The following SLC6A19 variants were observed in gnomAD, a reference collection of about 807,000 sequenced individuals.
SLC6A19 encodes the protein solute carrier family 6 member 19, also known as sodium-dependent neutral amino acid transporter B(0)AT1.
In SLC6A19, 67 loss-of-function variants were observed where a neutral mutation model predicts 68.3. That is an observed-to-expected ratio of 0.98 (90% CI 0.81 to 1.20). The LOEUF (loss-of-function observed/expected upper bound fraction) is 1.20. Among genes scored for constraint, SLC6A19 ranks in the 50% most tolerant of loss-of-function variants. SLC6A19 has a pLI of 0.00. For missense variants in SLC6A19, 813 were observed against 851.6 expected, an observed-to-expected ratio of 0.95 and a Z score of 0.56; for synonymous variants, 392 against 374.9, an observed-to-expected ratio of 1.05 and a Z score of -0.53.
chr5:1,212,458 A>T lies in SLC6A19; in HGVS notation c.637A>T (p.Ile213Phe). 1 of 1,608,802 alleles carries T rather than the reference A, an allele frequency of 6.2e-7. No individual in the cohort carries two copies. The part of the protein sequence containing the change: ...CAWSVLYMCT[I>F]RGIETTGKAV... ...ATGGAGCGTCCTGTACATGTGCACC[A>T]TCCGCGGCATCGAGACCACCGGGAA... Residue 213 changes from isoleucine to phenylalanine, a missense_variant, in exon 4 of 12, where the codon ATC becomes TTC. Physicochemically the swap from Ile to Phe is conservative, Grantham distance 21 (BLOSUM62 0). Transcript: ENST00000304460. This position sits in a 1 kb window ranked among gnomAD's most constrained non-coding sequence, Gnocchi z 5.1.
chr5:1,201,642 G>T lies in SLC6A19; in HGVS notation c.-9G>T. The T allele has an allele frequency of 1.2e-6, 2 of 1,603,454 alleles. No homozygotes were observed. On this transcript the variant is annotated 5_prime_UTR_variant, in exon 1 of 12. Coordinates refer to ENST00000304460, the MANE Select transcript of SLC6A19 (RefSeq NM_001003841.3). ...TGCCTGCTGTGTGCGGAGCCGTCCA[G>T]CGACCACCATGGTGAGGCTCGTGCT... is the stretch of plus-strand genomic sequence containing the variant.
chr5:1,222,212 G>A lies in SLC6A19; in HGVS notation c.*308G>A. 1 of 588,758 alleles carries A rather than the reference G, an allele frequency of 1.7e-6. No homozygotes were observed. The highest frequency in any genetic ancestry group is 2.1e-5 in the South Asian group (1 of 47,270). 36.5% of individuals were successfully genotyped at this position (588,758 alleles called of 1,614,324 possible). On this transcript the variant is annotated 3_prime_UTR_variant, in exon 12 of 12. Coordinates refer to ENST00000304460, the MANE Select transcript of SLC6A19 (RefSeq NM_001003841.3). ...TTGTGTGTGTGCATGTACATGTATGGACATTGTGTGAGTGTGCAAGTGTGC... is the reference window on the plus strand; with the variant it reads ...TTGTGTGTGTGCATGTACATGTATGAACATTGTGTGAGTGTGCAAGTGTGC...
At chr5:1,207,630 G>T (rs1039850437) in intron 1 of SLC6A19, among the ~76,000 whole-genome samples, 1 of 152,196 alleles carries the variant, frequency 6.6e-6, no homozygotes, top group Non-Finnish European at 1.5e-5. Flanking sequence ...GGAGCCACTC[G>T]GCTTCCTCTC....
chr5:1,213,604 C>G, intron 5 of SLC6A19, 31 bp downstream of exon 5: 1 of 1,591,840 alleles, frequency 6.3e-7, no homozygotes. Flanking sequence ...TGGGCCCAGA[C>G]CCCGGGAGAG....
rs1327966325 is a variant in SLC6A19, at chr5:1,222,465, T to C, written c.*561T>C. The C allele has an allele frequency of 2.3e-6, 1 of 435,182 alleles. No individual in the cohort carries two copies. The highest frequency in any genetic ancestry group is 3.8e-5 in the Admixed American group (1 of 26,340). The allele number at this position is 435,182 out of a possible 1,614,324, so 27.0% of individuals were successfully genotyped here. On this transcript the variant is annotated 3_prime_UTR_variant, in exon 12 of 12. Transcript: ENST00000304460. Reference sequence around the variant, plus strand: ...TGTGTTCTGTGTGTGCGTTTGCAAGTATATATGCACATGTGTATATGTACA... The same window carrying C: ...TGTGTTCTGTGTGTGCGTTTGCAAGCATATATGCACATGTGTATATGTACA...
intron 4 of SLC6A19, among the ~76,000 whole-genome samples, chr5:1,213,210 C>T (rs1173565380): frequency 9.8e-6 from 1 of 102,020 alleles, no homozygotes; most frequent in Non-Finnish European, 2.1e-5. Context: ...CCATCCCCAT[C>T]CATTCCACAT....
At chr5:1,208,440 G>C (rs1358108070) in intron 1 of SLC6A19, among the ~76,000 whole-genome samples, 5 of 152,212 alleles carry the variant, frequency 3.3e-5, no homozygotes, top group Non-Finnish European at 5.9e-5. Flanking sequence ...GGCTGTGGTT[G>C]CATGTTGGTC....
chr5:1,214,197 C>T lies in SLC6A19; in HGVS notation c.887+132C>T, dbSNP rs2126505935. On this transcript the variant is annotated intron_variant, in intron 6 of 11. Transcript: ENST00000304460. The surrounding 1 kb of genome is among the most constrained non-coding windows in gnomAD (Gnocchi z 7.4). Reference sequence around the variant, plus strand: ...CCTTGCTGCCCCGATGGGCCCGTTCCCTCCTGCTCGGGGTCCATGTGAGCT... The same window carrying T: ...CCTTGCTGCCCCGATGGGCCCGTTCTCTCCTGCTCGGGGTCCATGTGAGCT... 2 of 1,504,154 alleles carry T rather than the reference C, an allele frequency of 1.3e-6. No individual in the cohort carries two copies. Among genetic ancestry groups the T allele is most frequent in the South Asian group, 1.3e-5 (1 of 79,168 alleles). The allele number at this position is 1,504,154 out of a possible 1,614,324, so 93.2% of individuals were successfully genotyped here.
intron 8 of SLC6A19, among the ~76,000 whole-genome samples, chr5:1,218,444 TC>T (rs1481226749): frequency 2.6e-5 from 4 of 152,166 alleles, no homozygotes; most frequent in African/African-American, 9.7e-5. Flanking sequence ...GCAGAAGGCG[TC>T]CGGGTGGTTG....
At position 1,219,112 on chromosome 5, in the gene SLC6A19, G is replaced by C. The variant is rs762081099; in HGVS notation, c.1378+5G>C. The stretch of plus-strand genomic sequence containing the variant: ...GGCCCAAGGAGGTGCTCACAGGTAC[G>C]TGTGCAGTCGGGAGGGGTCCCCATG... On this transcript the variant is annotated splice_donor_5th_base_variant and intron_variant, in intron 9 of 11. Coordinates refer to ENST00000304460, the MANE Select transcript of SLC6A19 (RefSeq NM_001003841.3). 2 of 1,608,984 alleles carry C rather than the reference G, an allele frequency of 1.2e-6. No homozygotes were observed. Among genetic ancestry groups the C allele is most frequent in the Non-Finnish European group, 1.7e-6 (2 of 1,177,900 alleles).
intron 1 of SLC6A19, among the ~76,000 whole-genome samples, chr5:1,207,622 A>G (rs1156258142): frequency 2.0e-5 from 3 of 152,238 alleles, no homozygotes; most frequent in Admixed American, 1.3e-4. Flanking sequence ...TGATGGCAGG[A>G]GCCACTCGGC....
chr5:1,218,880 G>A (rs1191235213), intron 8 of SLC6A19, 23 bp from the exon 9 acceptor site: 2 of 1,609,222 alleles, frequency 1.2e-6, no homozygotes, highest in Non-Finnish European at 1.7e-6. Context: ...AGAGGCCCTG[G>A]TGACTGTGTG....
At position 1,209,255 on chromosome 5, in the gene SLC6A19, A is replaced by G. The variant is rs1745951156; in HGVS notation, c.343+369A>G. Among the ~76,000 whole-genome samples, 1 of 152,102 alleles carries G rather than the reference A, an allele frequency of 6.6e-6. No individual in the cohort carries two copies. Among genetic ancestry groups the G allele is most frequent in the Non-Finnish European group, 1.5e-5 (1 of 68,010 alleles). On this transcript the variant is annotated intron_variant, in intron 2 of 11. Transcript: ENST00000304460. The surrounding 1 kb of genome is among the most constrained non-coding windows in gnomAD (Gnocchi z 5.5). ...TGTGTCCACTCCCCCACACCTAGTG[A>G]GGAGGTCCCCAGCACTGACACCCCC...
Position 1,208,803 on chromosome 5 carries a change from A to G in SLC6A19, c.260A>G (p.Tyr87Cys), listed in dbSNP as rs1745928591. ...LLVLEGIPLL[Y>C]LEFAIGQRLR... is the part of the protein sequence containing the mutation. ...GTCCTGGAGGGCATCCCCCTGCTGT[A>G]CCTGGAGTTCGCCATCGGGCAGCGG... Residue 87 changes from tyrosine to cysteine, a missense_variant, in exon 2 of 12, where the codon TAC becomes TGC. By Grantham distance (194) the Tyr-to-Cys change is radical. Transcript: ENST00000304460. The G allele has an allele frequency of 6.2e-7, 1 of 1,613,104 alleles. No homozygotes were observed. The highest frequency in any genetic ancestry group is 1.3e-5 in the African/African-American group (1 of 74,990).
In SLC6A19 at chr5:1,217,709, G is replaced by A. The variant is rs555503881; in HGVS notation, c.1173+764G>A. ...CAGGCAGGAGGGGCCCAACAGGGCC[G>A]TCTGGTCTAAATGTCTTTTAAAAGC... On this transcript the variant is annotated intron_variant, in intron 8 of 11. Coordinates refer to ENST00000304460, the MANE Select transcript of SLC6A19 (RefSeq NM_001003841.3). 3.9e-5 allele frequency among the ~76,000 whole-genome samples: 6 copies of A among 152,398 alleles called. No homozygotes were observed. The East Asian group carries it at 7.7e-4, about 20-fold the overall frequency.
chr5:1,218,511 G>A (rs956664763), intron 8 of SLC6A19, among the ~76,000 whole-genome samples: 1 of 152,186 alleles, frequency 6.6e-6, no homozygotes, highest in Non-Finnish European at 1.5e-5. Context: ...GCTCTAACCC[G>A]GCCGTTGGCC....
At chr5:1,211,838 G>T (rs1746039482) in intron 3 of SLC6A19, among the ~76,000 whole-genome samples, 1 of 150,040 alleles carries the variant, frequency 6.7e-6, no homozygotes, top group South Asian at 2.1e-4. Context: ...GCATGTGCAT[G>T]TGTGGGGTGT....
At position 1,209,655 on chromosome 5, in the gene SLC6A19, C is replaced by G. The variant is rs1745967415; in HGVS notation, c.343+769C>G. Among the ~76,000 whole-genome samples the G allele has an allele frequency of 6.6e-6, 1 of 151,400 alleles. No homozygotes were observed. The highest frequency in any genetic ancestry group is 2.4e-5 in the African/African-American group (1 of 41,170). On this transcript the variant is annotated intron_variant, in intron 2 of 11. Transcript: ENST00000304460. This position sits in a 1 kb window ranked among gnomAD's most constrained non-coding sequence, Gnocchi z 5.5. ...TCTCTGTCATTCTCTCTTTCCCCTC[C>G]TATTCTCTCCCTTCCCCCCTCTCTC...
chr5:1,207,414 G>A (rs1018889013), intron 1 of SLC6A19, among the ~76,000 whole-genome samples: 9 of 152,228 alleles, frequency 5.9e-5, no homozygotes, highest in African/African-American at 1.4e-4. Context: ...TCATGGGCGC[G>A]GCCAGGCCCC....
Sources: allele counts gnomAD v4.1 joint callset (sites outside exome capture counted in the v4.1 genomes callset), GRCh38; gene constraint gnomAD v4.1.1; non-coding constraint Gnocchi (gnomAD v3.1); transcripts MANE v1.5; gene names NCBI Gene and HGNC (gene_info 2026-07-23, HGNC 2026-07-21).